The following GK5 variants were observed in gnomAD, a reference collection of about 807,000 sequenced individuals.
The protein encoded by GK5 is ATP:glycerol 3-phosphotransferase 5.
GK5 carries 39 observed loss-of-function variants against 77.3 expected under a neutral mutation model. The observed-to-expected ratio is 0.50, with a 90% CI of 0.39 to 0.66. The LOEUF (loss-of-function observed/expected upper bound fraction) is 0.66, where lower values mean the gene tolerates loss of function less well. Ranked by LOEUF, GK5 falls within the 30% of genes least tolerant of loss-of-function variation. The probability of loss-of-function intolerance (pLI) is 0.00; values close to 1 mark genes in which losing one functional copy is unlikely to be tolerated. For missense variants in GK5, 487 were observed against 633.8 expected, an observed-to-expected ratio of 0.77 and a Z score of 2.49; for synonymous variants, 211 against 208.0, an observed-to-expected ratio of 1.01 and a Z score of -0.13.
chr3:142,160,003 AGGACT>A lies in GK5; in HGVS notation c.*5614_*5618del, dbSNP rs1353390713. The stretch of plus-strand genomic sequence containing the variant: ...GCTGGGACCACAGGCACATGCCATC[AGGACT>A]GGCTAATTTTTGTATTTTTAGTAGA... On this transcript the variant is annotated 3_prime_UTR_variant, in exon 16 of 16. Transcript: ENST00000392993. The A allele has an allele frequency of 1.3e-5, 2 of 152,174 alleles. No homozygotes were observed. Among genetic ancestry groups the A allele is most frequent in the African/African-American group, 2.4e-5 (1 of 41,394 alleles). 9.4% of individuals were successfully genotyped at this position (152,174 alleles called of 1,614,324 possible). A position where few individuals can be genotyped will look rare whatever the true frequency, so the allele number is the denominator to read the frequency against.
Position 142,201,094 on chromosome 3 carries a change from G to C in GK5, c.412-2161C>G, listed in dbSNP as rs557037756. 2.0e-5 allele frequency among the ~76,000 whole-genome samples: 3 copies of C among 152,206 alleles called. No individual in the cohort carries two copies. The East Asian group carries it at 5.8e-4, about 29-fold the overall frequency. ...AACAGTTTGGCAGATCCTTACAAAA[G>C]AAAACATGCAATTACCATATGACCT... On this transcript the variant is annotated intron_variant, in intron 4 of 15. Coordinates refer to ENST00000392993, the MANE Select transcript of GK5 (RefSeq NM_001039547.3).
intron 5 of GK5, among the ~76,000 whole-genome samples, chr3:142,196,798 A>G (rs1266066639): frequency 6.6e-6 from 1 of 152,146 alleles, no homozygotes; most frequent in Non-Finnish European, 1.5e-5. Context: ...TCTTGGGTAG[A>G]GTTTTCTATA....
chr3:142,200,213 T>C (rs961772361), intron 4 of GK5, among the ~76,000 whole-genome samples: 2 of 151,936 alleles, frequency 1.3e-5, no homozygotes, highest in African/African-American at 4.8e-5. Context: ...TTGCTTAGAG[T>C]GCTGGAGTGC....
rs71153942 is a variant in GK5 at position 142,159,865 on chromosome 3, T to TTTTTTTA, written c.*5756_*5757insTAAAAAA. 1 of 149,894 alleles carries TTTTTTTA rather than the reference T, an allele frequency of 6.7e-6. No homozygotes were observed. The highest frequency in any genetic ancestry group is 1.5e-5 in the Non-Finnish European group (1 of 67,670). 9.3% of individuals were successfully genotyped at this position (149,894 alleles called of 1,614,324 possible). ...TCTCTCTCTCTCTCTTTTTTTTTTT[T>TTTTTTTA]GAGACAGAGTCTCGCTCTCTCACCC... On this transcript the variant is annotated 3_prime_UTR_variant, in exon 16 of 16. Coordinates refer to ENST00000392993, the MANE Select transcript of GK5 (RefSeq NM_001039547.3).
intron 11 of GK5, 125 bp downstream of exon 11, chr3:142,181,336 A>C: frequency 1.9e-6 from 1 of 535,742 alleles, no homozygotes; most frequent in Non-Finnish European, 3.3e-6. Flanking sequence ...TTTTCTTTTA[A>C]TAGATGTCAT....
chr3:142,197,164 G>A (rs2107786579), intron 5 of GK5, among the ~76,000 whole-genome samples: 1 of 152,096 alleles, frequency 6.6e-6, no homozygotes, highest in East Asian at 1.9e-4. Context: ...TCCAGCCTGG[G>A]TGACAGAGTG....
rs1316567364 is a variant in GK5, at chr3:142,163,985, G to A, written c.*1637C>T. 2.0e-5 allele frequency: 3 copies of A among 152,038 alleles called. No individual in the cohort carries two copies. The highest frequency in any genetic ancestry group is 4.4e-5 in the Non-Finnish European group (3 of 67,976). 9.4% of individuals were successfully genotyped at this position (152,038 alleles called of 1,614,324 possible). On this transcript the variant is annotated 3_prime_UTR_variant, in exon 16 of 16. Coordinates refer to ENST00000392993, the MANE Select transcript of GK5 (RefSeq NM_001039547.3). ...ATGTAAACAGGGGAAAGAATGAAAA[G>A]AATAAGATTTATCTACATAATGAAG...
chr3:142,186,277 A>G lies in GK5; in HGVS notation c.682-10T>C. On this transcript the variant is annotated splice_polypyrimidine_tract_variant and intron_variant, in intron 7 of 15. Transcript: ENST00000392993. ...TCCCACTCCAACACATCTGAGCATA[A>G]AAACGTATCATCAGAATATACATAT... 1 of 1,565,460 alleles carries G rather than the reference A, an allele frequency of 6.4e-7. No homozygotes were observed. Among genetic ancestry groups the G allele is most frequent in the African/African-American group, 1.4e-5 (1 of 74,028 alleles).
chr3:142,221,387 A>T (rs2064345089), intron 1 of GK5, among the ~76,000 whole-genome samples: 1 of 152,226 alleles, frequency 6.6e-6, no homozygotes, highest in South Asian at 2.1e-4. Flanking sequence ...AAACCTTCAG[A>T]CTTGACTCAG....
chr3:142,202,837 A>T (rs868781605), intron 4 of GK5, among the ~76,000 whole-genome samples: 18 of 152,206 alleles, frequency 1.2e-4, no homozygotes, highest in Admixed American at 5.9e-4. Flanking sequence ...TGTGCCTGTA[A>T]TCCCAGCTAC....
chr3:142,210,949 C>T (rs947005412), intron 3 of GK5, among the ~76,000 whole-genome samples: 1 of 152,286 alleles, frequency 6.6e-6, no homozygotes, highest in Non-Finnish European at 1.5e-5. Flanking sequence ...CATCCATCCA[C>T]TTCCCAGATT....
chr3:142,204,297 C>T (rs147088624), intron 4 of GK5: 8 of 262,380 alleles, frequency 3.0e-5, no homozygotes, highest in South Asian at 2.5e-4. Flanking sequence ...AGATTACAGG[C>T]GCGAGCCATC....
At chr3:142,183,121 C>A in intron 9 of GK5, 72 bp from the exon 10 acceptor site, 1 of 1,304,518 alleles carries the variant, frequency 7.7e-7, no homozygotes, top group Non-Finnish European at 1.1e-6. Context: ...CATTGTCTCA[C>A]TTATTGTACT....
In GK5 at chr3:142,225,451, G is replaced by A. The variant is rs894143328; in HGVS notation, c.5C>T (p.Ser2Leu). ...CTGCTCCGGGTCCGTGAGCAGCCCCGACATCCCGATCCCGCACGCCTCTCC... is the reference window on the plus strand; with the variant it reads ...CTGCTCCGGGTCCGTGAGCAGCCCCAACATCCCGATCCCGCACGCCTCTCC... M[S>L]GLLTDPEQRA... Residue 2 changes from serine to leucine, a missense_variant, in exon 1 of 16, where the codon TCG (serine) becomes TTG (leucine). By Grantham distance (145) the Ser-to-Leu change is moderately radical. Transcript: ENST00000392993. 2 of 1,602,400 alleles carry A rather than the reference G, an allele frequency of 1.2e-6. No homozygotes were observed. Among genetic ancestry groups the A allele is most frequent in the African/African-American group, 1.3e-5 (1 of 74,408 alleles).
intron 7 of GK5, 51 bp from the exon 8 acceptor site, chr3:142,186,318 C>G (rs2063769384): frequency 8.5e-7 from 1 of 1,177,834 alleles, no homozygotes; most frequent in South Asian, 1.3e-5. Flanking sequence ...TATATCAAAC[C>G]TCTAAACATA....
chr3:142,225,365 T>A lies in GK5; in HGVS notation c.91A>T (p.Ile31Phe), dbSNP rs922193008. The A allele has an allele frequency of 6.3e-7, 1 of 1,583,840 alleles. No individual in the cohort carries two copies. Among genetic ancestry groups the A allele is most frequent in the African/African-American group, 1.4e-5 (1 of 73,874 alleles). The part of the protein sequence containing the change: ...VLGLDVGSSV[I>F]RCHVYDRAAR... Reference sequence around the variant, plus strand: ...GCCCGGTCATAGACGTGGCAGCGGATCACAGAACTGCCCACATCCAGCCCC... The same window carrying A: ...GCCCGGTCATAGACGTGGCAGCGGAACACAGAACTGCCCACATCCAGCCCC... The change falls in exon 1 of 16, where the codon ATC becomes TTC. Residue 31 changes from isoleucine to phenylalanine, a missense_variant. Coordinates refer to ENST00000392993, the MANE Select transcript of GK5 (RefSeq NM_001039547.3).
intron 1 of GK5, among the ~76,000 whole-genome samples, chr3:142,221,041 C>CA (rs2064339845): frequency 6.6e-6 from 1 of 151,586 alleles, no homozygotes; most frequent in Non-Finnish European, 1.5e-5. Flanking sequence ...GGCATGGTAC[C>CA]AAAAAAATGC....
chr3:142,220,766 A>G (rs1423690563), intron 1 of GK5, among the ~76,000 whole-genome samples: 1 of 152,170 alleles, frequency 6.6e-6, no homozygotes, highest in African/African-American at 2.4e-5. Context: ...TGAGTGAACT[A>G]TGAGAGTGAT....
At chr3:142,189,179 C>T (rs1208017739) in intron 5 of GK5, among the ~76,000 whole-genome samples, 8 of 152,132 alleles carry the variant, frequency 5.3e-5, no homozygotes, top group Non-Finnish European at 1.0e-4. Flanking sequence ...TTCATATCCC[C>T]AACACCTAGG....
Sources: gnomAD v4.1 joint callset for allele counts (sites outside exome capture counted in the v4.1 genomes callset) on GRCh38, gnomAD v4.1.1 for gene constraint, MANE v1.5 for transcripts, NCBI Gene and HGNC (gene_info 2026-07-23, HGNC 2026-07-21) for gene names.